The following NPFFR1 variants were observed in gnomAD, a reference collection of about 807,000 sequenced individuals.
The protein encoded by NPFFR1 is neuropeptide FF receptor 1.
Under a neutral mutation model 12.7 loss-of-function variants are expected in NPFFR1, and 17 were observed. The ratio of observed to expected loss-of-function variants is 1.34; its 90% confidence interval spans 0.92 to 2.01. The LOEUF (loss-of-function observed/expected upper bound fraction) is 2.01, where lower values mean the gene tolerates loss of function less well. Among genes scored for constraint, NPFFR1 ranks in the 30% most tolerant of loss-of-function variants. The pLI, the probability that NPFFR1 is intolerant of heterozygous loss-of-function variation, is 0.00. For synonymous variants in NPFFR1, 296 were observed against 264.5 expected (o/e 1.12, Z -1.16); for missense variants, 604 against 606.5 (o/e 1.00, Z 0.04).
chr10:70,254,946 C>A lies in NPFFR1; in HGVS notation c.*11G>T. On this transcript the variant is annotated 3_prime_UTR_variant, in exon 4 of 4. Transcript: ENST00000277942. ...GGCCCTGAGGCAGCGTCCCGCCCTC[C>A]CTGGACCCCCTCAGATATCCCAGGC... 1.4e-5 allele frequency: 20 copies of A among 1,419,814 alleles called. No individual in the cohort carries two copies. The highest frequency in any genetic ancestry group is 1.8e-5 in the Non-Finnish European group (20 of 1,093,808). The allele number at this position is 1,419,814 out of a possible 1,614,324, so 88.0% of individuals were successfully genotyped here. A position where few individuals can be genotyped will look rare whatever the true frequency, so the allele number is the denominator to read the frequency against.
chr10:70,258,571 C>T (rs2136793176), intron 3 of NPFFR1, among the ~76,000 whole-genome samples: 1 of 152,254 alleles, frequency 6.6e-6, no homozygotes, highest in African/African-American at 2.4e-5. Context: ...ATAGTATGAC[C>T]TACTCTGTTG....
intron 3 of NPFFR1, among the ~76,000 whole-genome samples, chr10:70,258,396 T>C (rs1474329430): frequency 6.6e-6 from 1 of 151,956 alleles, no homozygotes; most frequent in Admixed American, 6.5e-5. Flanking sequence ...CCCTGCAGCA[T>C]GGTTCAAAGA....
chr10:70,262,564 A>G (rs10999220), intron 2 of NPFFR1, among the ~76,000 whole-genome samples: 5,675 of 152,306 alleles, frequency 0.037, 168 homozygotes, highest in East Asian at 0.08. Context: ...CCTTATGTGT[A>G]TACTAAGATT....
Position 70,252,183 on chromosome 10 carries a change from G to A in NPFFR1, c.*2774C>T, listed in dbSNP as rs1479719087. On this transcript the variant is annotated 3_prime_UTR_variant, in exon 4 of 4. Coordinates refer to ENST00000277942, the MANE Select transcript of NPFFR1 (RefSeq NM_022146.5). ...AAAATGAGGACTATCTAGACAATGG[G>A]ATATTATTCAGCTTTTAAAATGAAA... The A allele has an allele frequency of 6.6e-6, 1 of 152,202 alleles. No homozygotes were observed. Among genetic ancestry groups the A allele is most frequent in the South Asian group, 2.1e-4 (1 of 4,832 alleles). 9.4% of individuals were successfully genotyped at this position (152,202 alleles called of 1,614,324 possible).
intron 1 of NPFFR1, among the ~76,000 whole-genome samples, chr10:70,272,253 AG>A (rs1840758745): frequency 6.8e-6 from 1 of 147,794 alleles, no homozygotes; most frequent in Admixed American, 6.7e-5. Context: ...AGAAGAAAGA[AG>A]AAAGAAAATA....
chr10:70,268,106 C>T (rs1418099500), intron 1 of NPFFR1, among the ~76,000 whole-genome samples: 1 of 152,140 alleles, frequency 6.6e-6, no homozygotes, highest in African/African-American at 2.4e-5. Flanking sequence ...AAAGAACCCC[C>T]ATGTATACAT....
chr10:70,264,140 G>A (rs760990878), intron 2 of NPFFR1, among the ~76,000 whole-genome samples: 13 of 152,054 alleles, frequency 8.5e-5, no homozygotes, highest in East Asian at 5.8e-4. Flanking sequence ...TTGGGAGGCC[G>A]AGGCAGGCAG....
chr10:70,267,380 C>T (rs1840704553), intron 1 of NPFFR1, among the ~76,000 whole-genome samples: 1 of 152,182 alleles, frequency 6.6e-6, no homozygotes, highest in South Asian at 2.1e-4. Context: ...CGAGCCATCC[C>T]ATGATGTAAG....
In NPFFR1 at chr10:70,249,606, C is replaced by T. The variant is rs184302285; in HGVS notation, c.*5351G>A. On this transcript the variant is annotated 3_prime_UTR_variant, in exon 4 of 4. Transcript: ENST00000277942. The stretch of plus-strand genomic sequence containing the variant: ...CAAGTGATTCTCCTGCCTCAGTCTC[C>T]CAAGTAGCTGGGATTACAGGCGCAC... The T allele has an allele frequency of 1.3e-5, 2 of 151,312 alleles. No homozygotes were observed. The highest frequency in any genetic ancestry group is 1.3e-4 in the Admixed American group (2 of 15,164). 9.4% of individuals were successfully genotyped at this position (151,312 alleles called of 1,614,324 possible).
rs574726503 is a variant in NPFFR1, at chr10:70,278,623, C to T, written c.7+5047G>A. ...GGCTGCTATCAAACCTTTCATAAAG[C>T]CCCCATTGTTGGTCCTCCAGTATCC... On this transcript the variant is annotated intron_variant, in intron 1 of 3. Coordinates refer to ENST00000277942, the MANE Select transcript of NPFFR1 (RefSeq NM_022146.5). 2.6e-5 allele frequency among the ~76,000 whole-genome samples: 4 copies of T among 152,278 alleles called. No homozygotes were observed. In the South Asian group the frequency reaches 8.3e-4, roughly 32 times the overall value.
chr10:70,257,831 G>C (rs1285219390), intron 3 of NPFFR1, among the ~76,000 whole-genome samples: 13 of 152,236 alleles, frequency 8.5e-5, no homozygotes, highest in Non-Finnish European at 1.5e-5. Flanking sequence ...TTGCAGCAGT[G>C]CTGCCTTGTT....
At chr10:70,265,947 C>G (rs147718969) in intron 2 of NPFFR1, 130 bp downstream of exon 2, 1 of 793,216 alleles carries the variant, frequency 1.3e-6, no homozygotes. Flanking sequence ...CTTGAGAGTT[C>G]GAGACCACGG....
intron 1 of NPFFR1, among the ~76,000 whole-genome samples, chr10:70,279,311 T>A (rs1367690563): frequency 6.6e-6 from 1 of 152,098 alleles, no homozygotes; most frequent in Non-Finnish European, 1.5e-5. Context: ...CACACCCGGC[T>A]AATTTTTGTA....
At chr10:70,271,815 C>A (rs775117861) in intron 1 of NPFFR1, among the ~76,000 whole-genome samples, 1 of 151,780 alleles carries the variant, frequency 6.6e-6, no homozygotes, top group Non-Finnish European at 1.5e-5. Context: ...GAAAGAAGTG[C>A]GAATGAGAAA....
At chr10:70,278,301 A>AC (rs1418766905) in intron 1 of NPFFR1, among the ~76,000 whole-genome samples, 20 of 88,428 alleles carry the variant, frequency 2.3e-4, no homozygotes, top group African/African-American at 8.5e-4. Context: ...TCCCCTACCC[A>AC]CCCCCCACCC....
intron 1 of NPFFR1, 92 bp downstream of exon 1, chr10:70,283,578 A>G: frequency 8.0e-7 from 1 of 1,251,644 alleles, no homozygotes; most frequent in East Asian, 2.5e-5. Flanking sequence ...GCCATGGGTG[A>G]TCAGCTGCCC....
intron 1 of NPFFR1, among the ~76,000 whole-genome samples, chr10:70,278,318 G>A (rs1366108310): frequency 8.0e-5 from 10 of 125,462 alleles, no homozygotes; most frequent in African/African-American, 2.2e-4. Flanking sequence ...ACCCTGCCCC[G>A]TAACTTTCCT....
intron 3 of NPFFR1, among the ~76,000 whole-genome samples, chr10:70,259,587 C>T (rs1350710117): frequency 6.6e-6 from 1 of 152,156 alleles, no homozygotes; most frequent in Non-Finnish European, 1.5e-5. Flanking sequence ...GAACCCACTT[C>T]ATTACTCCAG....
In NPFFR1 at chr10:70,254,631, T is replaced by C. The variant is rs77587861; in HGVS notation, c.*326A>G. Reference sequence around the variant, plus strand: ...GCCATTTCCACCTGAGAAACTTGGGTGAGTCACATCTCTCCAGGCCTCAGT... The same window carrying C: ...GCCATTTCCACCTGAGAAACTTGGGCGAGTCACATCTCTCCAGGCCTCAGT... On this transcript the variant is annotated 3_prime_UTR_variant, in exon 4 of 4. Coordinates refer to ENST00000277942, the MANE Select transcript of NPFFR1 (RefSeq NM_022146.5). 0.014 allele frequency: 4,099 copies of C among 286,490 alleles called. 181 individuals are homozygous for C. Among genetic ancestry groups the C allele is most frequent in the African/African-American group, 0.082 (3,798 of 46,194 alleles). 17.7% of individuals were successfully genotyped at this position (286,490 alleles called of 1,614,324 possible).
Sources: allele counts gnomAD v4.1 joint callset (sites outside exome capture counted in the v4.1 genomes callset), GRCh38; gene constraint gnomAD v4.1.1; transcripts MANE v1.5; gene names NCBI Gene and HGNC (gene_info 2026-07-23, HGNC 2026-07-21).